The following GALNT13 variants were observed in gnomAD, a reference collection of about 807,000 sequenced individuals.
The protein encoded by GALNT13 is UDP-GalNAc:polypeptide N-acetylgalactosaminyltransferase 13.
In GALNT13, 28 loss-of-function variants were observed where a neutral mutation model predicts 64.2. That is an observed-to-expected ratio of 0.44 (90% CI 0.32 to 0.60). The LOEUF (loss-of-function observed/expected upper bound fraction) is 0.60, where lower values mean the gene tolerates loss of function less well. Among genes scored for constraint, GALNT13 ranks in the 20% least tolerant of loss-of-function variants. GALNT13 has a pLI of 0.05. For synonymous variants in GALNT13, 214 were observed against 224.6 expected (o/e 0.95, Z 0.42); for missense variants, 577 against 669.8 (o/e 0.86, Z 1.53).
intron 3 of GALNT13, among the ~76,000 whole-genome samples, chr2:153,959,859 G>A (rs1165554983): frequency 2.0e-5 from 3 of 152,266 alleles, no homozygotes; most frequent in East Asian, 1.9e-4. Flanking sequence ...GCTGGGGTGG[G>A]AGAGGCCTGT....
At chr2:153,092,850 AC>A in the GALNT13 span, among the ~76,000 whole-genome samples, 1 of 152,182 alleles carries the variant, frequency 6.6e-6, no homozygotes, top group Admixed American at 6.5e-5. Context: ...CTTCCATGGT[AC>A]TAGAAGTGCA....
At chr2:153,402,496 T>G in the GALNT13 span, among the ~76,000 whole-genome samples, 6 of 152,042 alleles carry the variant, frequency 3.9e-5, no homozygotes, top group Admixed American at 1.3e-4. Context: ...TTGGGGAAGT[T>G]CTCCTGGATA....
At chr2:153,819,407 C>T in the GALNT13 span, among the ~76,000 whole-genome samples, 2 of 152,180 alleles carry the variant, frequency 1.3e-5, no homozygotes, top group East Asian at 3.9e-4. Flanking sequence ...CATCAAGTTG[C>T]TGCCTATCAA....
chr2:153,575,836 T>G, the GALNT13 span, among the ~76,000 whole-genome samples: 1 of 152,140 alleles, frequency 6.6e-6, no homozygotes, highest in African/African-American at 2.4e-5. Flanking sequence ...TGCTTGGTGC[T>G]CTACTTTCCT....
intron 4 of GALNT13, among the ~76,000 whole-genome samples, chr2:154,153,491 G>A (rs1011112075): frequency 6.6e-6 from 1 of 152,210 alleles, no homozygotes; most frequent in South Asian, 2.1e-4. Flanking sequence ...AGTCTGCAGA[G>A]TTTACTGGTG....
intron 8 of GALNT13, among the ~76,000 whole-genome samples, chr2:154,296,036 T>A (rs754008574): frequency 6.6e-5 from 10 of 152,190 alleles, no homozygotes; most frequent in Non-Finnish European, 1.3e-4. Context: ...AAGATCTTAG[T>A]CTCTATTTCA....
the GALNT13 span, among the ~76,000 whole-genome samples, chr2:153,742,862 A>G: frequency 6.6e-6 from 1 of 151,756 alleles, no homozygotes; most frequent in Non-Finnish European, 1.5e-5. Flanking sequence ...GCTGTTGTGA[A>G]CAGTGCTTTG....
In GALNT13 at chr2:154,174,149, A is replaced by G. The variant is rs137875100; in HGVS notation, c.311+33644A>G. ...GATTTTCTTGATTTGTTGTTTGCAA[A>G]GATAATTTAAGGTACATTAAAATTA... On this transcript the variant is annotated intron_variant, in intron 4 of 12. Transcript: ENST00000392825. Among the ~76,000 whole-genome samples the G allele has an allele frequency of 4.7e-3, 714 of 152,306 alleles. 8 individuals carry two copies. The highest frequency in any genetic ancestry group is 0.016 in the African/African-American group (680 of 41,572).
intron 1 of GALNT13, among the ~76,000 whole-genome samples, chr2:153,887,664 T>A (rs55822592): frequency 0.16 from 24,513 of 151,870 alleles, 2,385 homozygotes; most frequent in East Asian, 0.26. Flanking sequence ...GAGAACAAGG[T>A]TGATATCTTC....
chr2:153,196,007 C>G, the GALNT13 span, among the ~76,000 whole-genome samples: 1,012 of 152,272 alleles, frequency 6.6e-3, 8 homozygotes, highest in African/African-American at 0.022. Context: ...GCTGGCTATC[C>G]TGTCATCTGT....
chr2:154,099,232 G>T (rs1702225680), intron 3 of GALNT13, among the ~76,000 whole-genome samples: 1 of 152,068 alleles, frequency 6.6e-6, no homozygotes, highest in Admixed American at 6.6e-5. Context: ...AGAAATGTTG[G>T]TTTATGTTCT....
the GALNT13 span, among the ~76,000 whole-genome samples, chr2:153,569,878 GCTCT>G: frequency 6.6e-6 from 1 of 152,006 alleles, no homozygotes; most frequent in African/African-American, 2.4e-5. Flanking sequence ...ACGTCCTTCT[GCTCT>G]CTATGTCCAT....
At chr2:153,997,037 G>A (rs1695566678) in intron 3 of GALNT13, among the ~76,000 whole-genome samples, 1 of 152,086 alleles carries the variant, frequency 6.6e-6, no homozygotes, top group Admixed American at 6.6e-5. Flanking sequence ...CTTTGTGTCT[G>A]TTTTTATGTC....
the GALNT13 span, among the ~76,000 whole-genome samples, chr2:153,562,058 C>CTGTGTG: frequency 8.0e-5 from 7 of 87,160 alleles, no homozygotes; most frequent in Non-Finnish European, 9.4e-5. Flanking sequence ...CTCTCTCTCT[C>CTGTGTG]TCTGTGTGTG....
the GALNT13 span, among the ~76,000 whole-genome samples, chr2:153,755,201 T>A: frequency 6.6e-6 from 1 of 152,250 alleles, no homozygotes. Flanking sequence ...TTCGTTTGTG[T>A]TTGTTTGTTT....
chr2:153,559,109 T>C, the GALNT13 span, among the ~76,000 whole-genome samples: 1 of 152,174 alleles, frequency 6.6e-6, no homozygotes, highest in African/African-American at 2.4e-5. Context: ...CATATATACA[T>C]GAGTATGGAC....
At chr2:153,304,867 A>C in the GALNT13 span, among the ~76,000 whole-genome samples, 1 of 152,178 alleles carries the variant, frequency 6.6e-6, no homozygotes, top group Non-Finnish European at 1.5e-5. Context: ...ATAATAAAAA[A>C]CATTTGCGGA....
chr2:154,229,810 G>A (rs1688819976), intron 4 of GALNT13, among the ~76,000 whole-genome samples: 1 of 152,090 alleles, frequency 6.6e-6, no homozygotes, highest in African/African-American at 2.4e-5. Flanking sequence ...GAGTTGAAAG[G>A]CAACAGTGAA....
chr2:153,561,826 C>A, the GALNT13 span, among the ~76,000 whole-genome samples: 1 of 151,998 alleles, frequency 6.6e-6, no homozygotes, highest in South Asian at 2.1e-4. Flanking sequence ...TGGAGTAATA[C>A]AAATTTTATT....
Sources: gnomAD v4.1 joint callset for allele counts (sites outside exome capture counted in the v4.1 genomes callset) on GRCh38, gnomAD v4.1.1 for gene constraint, MANE v1.5 for transcripts, NCBI Gene and HGNC (gene_info 2026-07-23, HGNC 2026-07-21) for gene names.